FHIT: variants seen among roughly 807,000 people sequenced by gnomAD.
FHIT encodes the protein bis(5'-adenosyl)-triphosphatase.
FHIT carries 19 observed loss-of-function variants against 17.9 expected under a neutral mutation model. The observed-to-expected ratio is 1.06, with a 90% CI of 0.74 to 1.56. The LOEUF (loss-of-function observed/expected upper bound fraction) is 1.56. Among genes scored for constraint, FHIT ranks in the 40% most tolerant of loss-of-function variants. FHIT has a pLI of 0.00. For synonymous variants in FHIT, 81 were observed against 69.7 expected (o/e 1.16, Z -0.81); for missense variants, 248 against 189.2 (o/e 1.31, Z -1.82).
In FHIT at chr3:61,068,236, A is replaced by G. The variant is rs79399626; in HGVS notation, c.-163-26137T>C. Among the ~76,000 whole-genome samples the G allele has an allele frequency of 2.0e-5, 3 of 152,358 alleles. No homozygotes were observed. In the East Asian group the frequency reaches 5.8e-4, roughly 29 times the overall value. On this transcript the variant is annotated intron_variant, in intron 2 of 9. Transcript: ENST00000492590. Reference sequence around the variant, plus strand: ...ACCAAGCTCAAATCAAGGTGTAAGCAGACTCCTTTCTGCAGTCTCTAAGGA... The same window carrying G: ...ACCAAGCTCAAATCAAGGTGTAAGCGGACTCCTTTCTGCAGTCTCTAAGGA...
chr3:60,800,861 G>C (rs1206776653), intron 4 of FHIT, among the ~76,000 whole-genome samples: 1 of 152,124 alleles, frequency 6.6e-6, no homozygotes, highest in Non-Finnish European at 1.5e-5. Flanking sequence ...AGGCATAGGG[G>C]ATCCTCTAAG....
intron 4 of FHIT, among the ~76,000 whole-genome samples, chr3:60,722,783 C>T (rs540709407): frequency 4.9e-5 from 7 of 142,286 alleles, no homozygotes; most frequent in South Asian, 2.2e-4. Flanking sequence ...AATGCAGTGG[C>T]GCGATCTCGG....
At position 61,131,074 on chromosome 3, in the gene FHIT, TC is replaced by T. The variant is rs538663786; in HGVS notation, c.-164+69542del. On this transcript the variant is annotated intron_variant, in intron 2 of 9. Transcript: ENST00000492590. ...TGACTCAGGACATAAATCTGAATTT[TC>T]CAAATGACCAATCCCAAATTGTTAC... Among the ~76,000 whole-genome samples, 214 of 152,332 alleles carry T rather than the reference TC, an allele frequency of 1.4e-3. 2 individuals carry two copies. Among genetic ancestry groups the T allele is most frequent in the Non-Finnish European group, 2.3e-3 (155 of 68,026 alleles).
intron 1 of FHIT, among the ~76,000 whole-genome samples, chr3:61,207,013 G>C (rs571889698): frequency 6.6e-6 from 1 of 152,280 alleles, no homozygotes; most frequent in African/African-American, 2.4e-5. Flanking sequence ...AATTTATTGA[G>C]AGTTTTTAGC....
chr3:61,114,642 C>T (rs1223593536), intron 2 of FHIT, among the ~76,000 whole-genome samples: 1 of 152,114 alleles, frequency 6.6e-6, no homozygotes, highest in African/African-American at 2.4e-5. Flanking sequence ...GTAAAAAGAA[C>T]CTAGCGTTGG....
intron 8 of FHIT, among the ~76,000 whole-genome samples, chr3:59,903,221 A>C (rs941900427): frequency 6.6e-6 from 1 of 152,202 alleles, no homozygotes; most frequent in Admixed American, 6.5e-5. Context: ...ATTTATATGA[A>C]ATGTCCATAA....
In FHIT at chr3:60,225,806, C is replaced by T. The variant is rs150026553; in HGVS notation, c.104-211654G>A. 4.6e-3 allele frequency among the ~76,000 whole-genome samples: 706 copies of T among 152,204 alleles called. 6 individuals are homozygous for T. The highest frequency in any genetic ancestry group is 0.016 in the African/African-American group (669 of 41,526). On this transcript the variant is annotated intron_variant, in intron 5 of 9. Transcript: ENST00000492590. Reference sequence around the variant, plus strand: ...GAGCAAATAGATGACCTCAGGACAGCTTATTTGGGGCTGAGACAGAATACA... The same window carrying T: ...GAGCAAATAGATGACCTCAGGACAGTTTATTTGGGGCTGAGACAGAATACA...
intron 4 of FHIT, among the ~76,000 whole-genome samples, chr3:60,682,584 G>A (rs1051741451): frequency 6.6e-6 from 1 of 152,164 alleles, no homozygotes; most frequent in Non-Finnish European, 1.5e-5. Flanking sequence ...GCCCTCTCTT[G>A]AGACCTATTG....
chr3:59,800,682 T>C (rs1416435373), intron 8 of FHIT, among the ~76,000 whole-genome samples: 1 of 152,200 alleles, frequency 6.6e-6, no homozygotes, highest in Non-Finnish European at 1.5e-5. Context: ...TGAAGACAGA[T>C]GTCACAATCA....
chr3:59,930,294 G>T lies in FHIT; in HGVS notation c.280-7880C>A, dbSNP rs557942035. ...GGATGCATTGCAGCCATGGTGGGTG[G>T]GGGTAACACAATGTGGGCAGAGCAC... On this transcript the variant is annotated intron_variant, in intron 7 of 9. Transcript: ENST00000492590. 5.0e-4 allele frequency among the ~76,000 whole-genome samples: 76 copies of T among 152,186 alleles called. No homozygotes were observed. In the South Asian group the frequency reaches 0.014, roughly 28 times the overall value.
At chr3:60,096,347 G>A (rs1703948258) in intron 5 of FHIT, among the ~76,000 whole-genome samples, 1 of 152,164 alleles carries the variant, frequency 6.6e-6, no homozygotes. Context: ...GCTTTTATAG[G>A]CTCAGAATAG....
intron 5 of FHIT, among the ~76,000 whole-genome samples, chr3:60,373,544 G>C (rs902841655): frequency 1.3e-5 from 2 of 152,052 alleles, no homozygotes; most frequent in East Asian, 3.9e-4. Flanking sequence ...GGGAAGCCAA[G>C]AAAGGTTTTT....
chr3:59,921,816 C>T (rs1406519758), intron 8 of FHIT, among the ~76,000 whole-genome samples: 1 of 152,110 alleles, frequency 6.6e-6, no homozygotes, highest in Non-Finnish European at 1.5e-5. Flanking sequence ...AATGGGAGTA[C>T]TTAGAAATAA....
chr3:59,803,568 A>G (rs1700083508), intron 8 of FHIT, among the ~76,000 whole-genome samples: 2 of 152,232 alleles, frequency 1.3e-5, no homozygotes, highest in Non-Finnish European at 2.9e-5. Flanking sequence ...CAAAGGTGGA[A>G]AGATGTCAGG....
chr3:60,698,210 C>G (rs1261810951), intron 4 of FHIT, among the ~76,000 whole-genome samples: 1 of 151,710 alleles, frequency 6.6e-6, no homozygotes, highest in Admixed American at 6.6e-5. Context: ...AATGCAAACT[C>G]TAAATAAAGA....
At chr3:60,181,892 T>C (rs1190193703) in intron 5 of FHIT, among the ~76,000 whole-genome samples, 1 of 152,170 alleles carries the variant, frequency 6.6e-6, no homozygotes, top group Non-Finnish European at 1.5e-5. Context: ...CCTATATATA[T>C]CTCTACCTGT....
chr3:60,522,377 T>TG, intron 5 of FHIT, among the ~76,000 whole-genome samples: 1 of 152,268 alleles, frequency 6.6e-6, no homozygotes, highest in South Asian at 2.1e-4. Context: ...CCCAAAGTGT[T>TG]GGGATTACAG....
At chr3:60,839,437 A>T (rs1553744502) in intron 3 of FHIT, among the ~76,000 whole-genome samples, 2 of 152,216 alleles carry the variant, frequency 1.3e-5, no homozygotes, top group Non-Finnish European at 2.9e-5. Flanking sequence ...CAATGAGATC[A>T]TGGCTAGATG....
chr3:61,046,378 T>G (rs918980251), intron 2 of FHIT, among the ~76,000 whole-genome samples: 3 of 152,064 alleles, frequency 2.0e-5, no homozygotes, highest in Non-Finnish European at 2.9e-5. Flanking sequence ...GCAAATAAAC[T>G]AGAAACTCTA....
Sources: allele counts gnomAD v4.1 joint callset (sites outside exome capture counted in the v4.1 genomes callset), GRCh38; gene constraint gnomAD v4.1.1; transcripts MANE v1.5; gene names NCBI Gene and HGNC (gene_info 2026-07-23, HGNC 2026-07-21).